UNC80: variants seen among roughly 807,000 people sequenced by gnomAD.
The protein encoded by UNC80 is protein unc-80 homolog.
Under a neutral mutation model 384.6 loss-of-function variants are expected in UNC80, and 164 were observed. The ratio of observed to expected loss-of-function variants is 0.43; its 90% CI spans 0.38 to 0.49. The LOEUF (loss-of-function observed/expected upper bound fraction) is 0.49, where lower values mean the gene tolerates loss of function less well. Among genes scored for constraint, UNC80 ranks in the 20% least tolerant of loss-of-function variants. The pLI is 0.00. For missense variants in UNC80, 3,330 were observed against 4,143.0 expected (o/e 0.80, Z 5.39); for synonymous variants, 1,486 against 1,527.8 (o/e 0.97, Z 0.64).
intron 32 of UNC80, among the ~76,000 whole-genome samples, chr2:209,918,177 A>T (rs1296170623): frequency 6.6e-6 from 1 of 152,248 alleles, no homozygotes; most frequent in African/African-American, 2.4e-5. Context: ...ATAAACCTCA[A>T]AATCTCACCA....
chr2:209,821,884 A>T (rs2080157497), intron 13 of UNC80, among the ~76,000 whole-genome samples: 1 of 152,232 alleles, frequency 6.6e-6, no homozygotes, highest in Admixed American at 6.5e-5. Context: ...ATGTGAAGTT[A>T]TACTGTGTAG....
intron 28 of UNC80, among the ~76,000 whole-genome samples, chr2:209,901,115 T>A (rs1382203880): frequency 1.3e-5 from 2 of 152,216 alleles, no homozygotes; most frequent in Non-Finnish European, 2.9e-5. Flanking sequence ...TTGATGTAGG[T>A]GGCTATACTA....
intron 13 of UNC80, among the ~76,000 whole-genome samples, chr2:209,823,626 G>A (rs569380894): frequency 8.6e-5 from 13 of 151,782 alleles, no homozygotes; most frequent in African/African-American, 2.9e-4. Flanking sequence ...GGAAAGCAGC[G>A]CCCCACACAT....
intron 21 of UNC80, 97 bp from the exon 22 acceptor site, chr2:209,849,354 T>A: frequency 2.2e-6 from 3 of 1,386,180 alleles, no homozygotes; most frequent in Admixed American, 2.2e-5. Flanking sequence ...GCCAACACTG[T>A]AGAAAACACA....
intron 13 of UNC80, among the ~76,000 whole-genome samples, chr2:209,824,337 T>C (rs1559150131): frequency 2.6e-5 from 4 of 152,126 alleles, no homozygotes; most frequent in Admixed American, 2.0e-4. Context: ...TTCTCAGCAT[T>C]AACCTCTGTT....
intron 38 of UNC80, among the ~76,000 whole-genome samples, chr2:209,933,056 A>G (rs1372954155): frequency 2.0e-5 from 3 of 152,226 alleles, no homozygotes; most frequent in Admixed American, 2.0e-4. Flanking sequence ...AAAAAAATTT[A>G]CACTATTTCT....
chr2:209,783,894 C>G (rs2077283032), intron 4 of UNC80, among the ~76,000 whole-genome samples: 1 of 152,074 alleles, frequency 6.6e-6, no homozygotes, highest in South Asian at 2.1e-4. Context: ...CCATGCAGAC[C>G]TCCTCGTGTC....
intron 26 of UNC80, among the ~76,000 whole-genome samples, chr2:209,891,937 GA>G (rs2086375078): frequency 6.6e-6 from 1 of 152,108 alleles, no homozygotes; most frequent in Non-Finnish European, 1.5e-5. Flanking sequence ...TAAACACGCT[GA>G]GGACAATTCA....
At chr2:209,869,482 C>T (rs933458633) in intron 22 of UNC80, among the ~76,000 whole-genome samples, 7 of 152,078 alleles carry the variant, frequency 4.6e-5, no homozygotes, top group South Asian at 2.1e-4. Context: ...CATTATTGCC[C>T]GTAGATTTGT....
In UNC80 at chr2:209,973,288, C is replaced by G; in HGVS notation, c.8587+18C>G. 1.3e-6 allele frequency: 2 copies of G among 1,548,376 alleles called. No individual in the cohort carries two copies. The highest frequency in any genetic ancestry group is 3.9e-5 in the Admixed American group (2 of 50,910). On this transcript the variant is annotated intron_variant, in intron 56 of 64. Transcript: ENST00000673920. ...ATACTTGGGTTGGTACTTTCTCTCT[C>G]TCTCTCTCTGTTTGTGCATGTGTAT... is the stretch of plus-strand genomic sequence containing the variant.
chr2:209,992,116 A>C (rs1489191988), intron 61 of UNC80, 50 bp from the exon 62 acceptor site: 2 of 1,487,096 alleles, frequency 1.3e-6, no homozygotes, highest in East Asian at 2.5e-5. Flanking sequence ...ACCAGAGGAC[A>C]GTCTCCTGTA....
intron 37 of UNC80, 42 bp from the exon 38 acceptor site, chr2:209,930,926 T>A: frequency 7.3e-7 from 1 of 1,364,398 alleles, no homozygotes; most frequent in South Asian, 1.3e-5. Flanking sequence ...TTCTACAGCA[T>A]GGCAGCTGAA....
At chr2:209,923,432 G>T (rs1038023686) in intron 35 of UNC80, among the ~76,000 whole-genome samples, 2 of 152,086 alleles carry the variant, frequency 1.3e-5, no homozygotes, top group Non-Finnish European at 2.9e-5. Context: ...TTTGCATTTA[G>T]ATAACTAGTT....
intron 52 of UNC80, 22 bp downstream of exon 52, chr2:209,967,659 C>T: frequency 1.9e-6 from 3 of 1,545,850 alleles, no homozygotes; most frequent in South Asian, 1.2e-5. Flanking sequence ...TCCGAGTTAG[C>T]TGTTGCTATC....
intron 21 of UNC80, among the ~76,000 whole-genome samples, chr2:209,845,963 T>C (rs1057353305): frequency 2.0e-5 from 3 of 152,042 alleles, no homozygotes; most frequent in Admixed American, 6.6e-5. Context: ...TTCTCTTGAT[T>C]TCTTTCTTGC....
chr2:209,816,399 C>T (rs1049648315), intron 9 of UNC80, among the ~76,000 whole-genome samples: 1 of 152,162 alleles, frequency 6.6e-6, no homozygotes, highest in Non-Finnish European at 1.5e-5. Context: ...TTCTTACGAA[C>T]AGTGGCGCAC....
Position 209,815,372 on chromosome 2 carries a change from G to A in UNC80, c.1316G>A (p.Gly439Asp), listed in dbSNP as rs1238044050. The change falls in exon 9 of 65, where the codon GGC becomes GAC. Residue 439 changes from glycine (G) to aspartate (D), a missense_variant. This residue lies in a region of UNC80 where 937 missense variants were observed against 1,026.8 expected (regional missense o/e 0.91). Transcript: ENST00000673920. Reference sequence around the variant, plus strand: ...GTCCCAGATCTTTCTTCAGACCTGGGCATGAATATTTTTAAAAAGGTGAGT... The same window carrying A: ...GTCCCAGATCTTTCTTCAGACCTGGACATGAATATTTTTAAAAAGGTGAGT... ...SAVPDLSSDL[G>D]MNIFKKFKSR... The A allele has an allele frequency of 3.9e-6, 6 of 1,551,180 alleles. No homozygotes were observed. Among genetic ancestry groups the A allele is most frequent in the Non-Finnish European group, 5.2e-6 (6 of 1,146,812 alleles).
Position 209,973,114 on chromosome 2 carries a change from A to T in UNC80, c.8431A>T (p.Ile2811Phe). The stretch of plus-strand genomic sequence containing the variant: ...GGTGCAGCTGCTGCTGCAGACAGTC[A>T]TCAATGTACTCCTCCCACCGCGGAT... ...PEVQLLLQTV[I>F]NVLLPPRIIS... Residue 2811 changes from isoleucine (I) to phenylalanine (F), a missense_variant, in exon 56 of 65, where the codon ATC (isoleucine) becomes TTC (phenylalanine). Around this residue, in one of 8 missense-constraint regions of UNC80, gnomAD observed 1,049 missense variants for 1,488.6 expected, o/e 0.70. Transcript: ENST00000673920. 1.3e-6 allele frequency: 2 copies of T among 1,551,570 alleles called. No individual in the cohort carries two copies. Among genetic ancestry groups the T allele is most frequent in the Non-Finnish European group, 1.7e-6 (2 of 1,146,976 alleles).
Position 209,834,230 on chromosome 2 carries a change from T to C in UNC80, c.2942+62T>C, listed in dbSNP as rs2081191203. On this transcript the variant is annotated intron_variant, in intron 17 of 64. Transcript: ENST00000673920. Reference sequence around the variant, plus strand: ...CTTAAGTCAGTAGAATAAAATCTGTTGTACTGTTTGTGTGGTTCCTGTGCT... The same window carrying C: ...CTTAAGTCAGTAGAATAAAATCTGTCGTACTGTTTGTGTGGTTCCTGTGCT... 4.0e-6 allele frequency: 6 copies of C among 1,505,408 alleles called. No individual in the cohort carries two copies. In the South Asian group the frequency reaches 5.1e-5, roughly 13 times the overall value. 93.3% of individuals were successfully genotyped at this position (1,505,408 alleles called of 1,614,324 possible).
Sources: gnomAD v4.1 joint callset for allele counts (sites outside exome capture counted in the v4.1 genomes callset) on GRCh38, gnomAD v4.1.1 for gene constraint, gnomAD v4.1.1 regional missense constraint, MANE v1.5 for transcripts, NCBI Gene and HGNC (gene_info 2026-07-23, HGNC 2026-07-21) for gene names.